NMNAT2: variants seen among roughly 807,000 people sequenced by gnomAD.
NMNAT2 encodes the protein nicotinamide nucleotide adenylyltransferase 2.
NMNAT2 carries 11 observed loss-of-function variants against 41.6 expected under a neutral mutation model. The ratio of observed to expected loss-of-function variants is 0.26; its 90% CI spans 0.17 to 0.44. The LOEUF is 0.44. Ranked by LOEUF, NMNAT2 falls within the 20% of genes least tolerant of loss-of-function variation. The pLI is 1.00. For synonymous variants in NMNAT2, 148 were observed against 151.2 expected, an observed-to-expected ratio of 0.98 and a Z score of 0.16; for missense variants, 288 against 407.7, an observed-to-expected ratio of 0.71 and a Z score of 2.53.
chr1:183,327,697 C>T (rs1662499268), intron 1 of NMNAT2, among the ~76,000 whole-genome samples: 1 of 152,200 alleles, frequency 6.6e-6, no homozygotes, highest in African/African-American at 2.4e-5. Context: ...TACTCACAAA[C>T]TAGGCAATTT....
intron 1 of NMNAT2, chr1:183,304,954 A>G: frequency 1.7e-6 from 2 of 1,163,862 alleles, no homozygotes; most frequent in Non-Finnish European, 2.3e-6. Flanking sequence ...ATGCTGAGAG[A>G]ACCTCTCATA....
chr1:183,359,022 T>A (rs1336036648), intron 1 of NMNAT2, among the ~76,000 whole-genome samples: 1 of 152,188 alleles, frequency 6.6e-6, no homozygotes, highest in African/African-American at 2.4e-5. Context: ...GCAGTTAAAG[T>A]ATCATTGCAT....
At chr1:183,403,036 C>T (rs1289920753) in intron 1 of NMNAT2, among the ~76,000 whole-genome samples, 2 of 151,178 alleles carry the variant, frequency 1.3e-5, no homozygotes, top group African/African-American at 4.9e-5. Flanking sequence ...CAGGTTCAAG[C>T]AATTGTCCTG....
At chr1:183,294,186 C>T (rs1344983586) in intron 1 of NMNAT2, among the ~76,000 whole-genome samples, 1 of 149,270 alleles carries the variant, frequency 6.7e-6, no homozygotes. Flanking sequence ...AAATAAAAGC[C>T]TCCTTATAAT....
At chr1:183,413,108 T>C (rs1266906437) in intron 1 of NMNAT2, among the ~76,000 whole-genome samples, 1 of 152,150 alleles carries the variant, frequency 6.6e-6, no homozygotes, top group Non-Finnish European at 1.5e-5. Flanking sequence ...AATGGCAGTA[T>C]GGTTTAAAGA....
intron 1 of NMNAT2, among the ~76,000 whole-genome samples, chr1:183,395,566 T>C (rs1557899329): frequency 6.6e-6 from 1 of 152,040 alleles, no homozygotes; most frequent in Non-Finnish European, 1.5e-5. Flanking sequence ...CTTTGTAAAA[T>C]GTTTACTGAA....
intron 1 of NMNAT2, among the ~76,000 whole-genome samples, chr1:183,298,880 AATC>A (rs1465696972): frequency 2.0e-5 from 3 of 152,258 alleles, no homozygotes; most frequent in African/African-American, 7.2e-5. Context: ...TTCTTGTCAA[AATC>A]ACAACAAGAT....
At chr1:183,404,302 C>T (rs1648895680) in intron 1 of NMNAT2, among the ~76,000 whole-genome samples, 1 of 152,116 alleles carries the variant, frequency 6.6e-6, no homozygotes, top group African/African-American at 2.4e-5. Context: ...GTTGGCCAGG[C>T]TGGCCTTGAA....
At chr1:183,284,145 T>TGGGGG in intron 6 of NMNAT2, 106 bp from the exon 7 acceptor site, 2 of 720,726 alleles carry the variant, frequency 2.8e-6, no homozygotes, top group Non-Finnish European at 4.6e-6. Flanking sequence ...TGGGGTGGGG[T>TGGGGG]GGGTGCAAGT....
intron 1 of NMNAT2, among the ~76,000 whole-genome samples, chr1:183,385,454 G>C (rs1391559705): frequency 6.6e-6 from 1 of 152,104 alleles, no homozygotes; most frequent in Non-Finnish European, 1.5e-5. Context: ...AAGACAGCAG[G>C]CACAGGTCTA....
intron 10 of NMNAT2, among the ~76,000 whole-genome samples, chr1:183,259,038 G>C (rs2102278881): frequency 6.6e-6 from 1 of 152,258 alleles, no homozygotes; most frequent in South Asian, 2.1e-4. Context: ...GCTCTGTCTA[G>C]GCAGCGAGCA....
chr1:183,385,451 C>T (rs1192400024), intron 1 of NMNAT2, among the ~76,000 whole-genome samples: 1 of 152,164 alleles, frequency 6.6e-6, no homozygotes, highest in Non-Finnish European at 1.5e-5. Context: ...TGAAAGACAG[C>T]AGGCACAGGT....
chr1:183,250,898 G>C lies in NMNAT2; in HGVS notation c.*1743C>G, dbSNP rs201514500. On this transcript the variant is annotated 3_prime_UTR_variant, in exon 11 of 11. Coordinates refer to ENST00000287713, the MANE Select transcript of NMNAT2 (RefSeq NM_015039.4). ...GTAAAGAACATTGTCTTTGCTTTCA[G>C]GTCCCACCTGGCCCTTTCTGGCCGT... 3 of 152,528 alleles carry C rather than the reference G, an allele frequency of 2.0e-5. No homozygotes were observed. Among genetic ancestry groups the C allele is most frequent in the Non-Finnish European group, 2.9e-5 (2 of 68,024 alleles). The allele number at this position is 152,528 out of a possible 1,614,324, so 9.4% of individuals were successfully genotyped here.
At chr1:183,395,385 C>CG (rs1557899280) in intron 1 of NMNAT2, among the ~76,000 whole-genome samples, 1 of 151,520 alleles carries the variant, frequency 6.6e-6, no homozygotes, top group African/African-American at 2.4e-5. Context: ...GAAGATAAGT[C>CG]GGGGGCAGGG....
At chr1:183,267,382 T>A (rs1226999899) in intron 8 of NMNAT2, 1 of 152,226 alleles carries the variant, frequency 6.6e-6, no homozygotes, top group Non-Finnish European at 1.5e-5. Context: ...GAAATTTTGA[T>A]ATAGCATGTG....
intron 1 of NMNAT2, among the ~76,000 whole-genome samples, chr1:183,324,576 C>G (rs992684536): frequency 4.6e-5 from 7 of 152,164 alleles, no homozygotes; most frequent in Non-Finnish European, 1.0e-4. Context: ...GAACCAACAG[C>G]GCAAACCACT....
At chr1:183,313,862 C>T (rs995393087) in intron 1 of NMNAT2, among the ~76,000 whole-genome samples, 6 of 152,128 alleles carry the variant, frequency 3.9e-5, no homozygotes, top group Admixed American at 3.9e-4. Context: ...AATGGGCAAC[C>T]CTGCAGAGGA....
chr1:183,344,169 T>G (rs1247203408), intron 1 of NMNAT2, among the ~76,000 whole-genome samples: 1 of 152,220 alleles, frequency 6.6e-6, no homozygotes, highest in Non-Finnish European at 1.5e-5. Context: ...TTATCATTAG[T>G]TACCATCTAT....
intron 1 of NMNAT2, among the ~76,000 whole-genome samples, chr1:183,302,402 G>C (rs1381947652): frequency 6.6e-6 from 1 of 152,184 alleles, no homozygotes; most frequent in African/African-American, 2.4e-5. Context: ...TCCTAGAACA[G>C]ATTAGACCTA....
Sources: allele counts gnomAD v4.1 joint callset (sites outside exome capture counted in the v4.1 genomes callset), GRCh38; gene constraint gnomAD v4.1.1; transcripts MANE v1.5; gene names NCBI Gene and HGNC (gene_info 2026-07-23, HGNC 2026-07-21).